PAPPA2: variants seen among roughly 807,000 people sequenced by gnomAD.
The protein encoded by PAPPA2 is pappalysin-2.
In PAPPA2, 86 loss-of-function variants were observed where a neutral mutation model predicts 176.4. That is an observed-to-expected ratio of 0.49 (90% CI 0.41 to 0.58). The LOEUF is 0.58. Ranked by LOEUF, PAPPA2 falls within the 20% of genes least tolerant of loss-of-function variation. The probability of loss-of-function intolerance (pLI) is 0.00; values close to 1 mark genes in which losing one functional copy is unlikely to be tolerated. For synonymous variants in PAPPA2, 809 were observed against 852.2 expected (o/e 0.95, Z 0.88); for missense variants, 2,073 against 2,256.9 (o/e 0.92, Z 1.65).
intron 4 of PAPPA2, among the ~76,000 whole-genome samples, chr1:176,685,195 A>G (rs1659780885): frequency 6.6e-6 from 1 of 152,078 alleles, no homozygotes; most frequent in Admixed American, 6.6e-5. Flanking sequence ...CAAGTGGTCT[A>G]ATATATATTT....
chr1:176,812,512 T>C (rs1415970130), intron 21 of PAPPA2, among the ~76,000 whole-genome samples: 1 of 152,180 alleles, frequency 6.6e-6, no homozygotes, highest in African/African-American at 2.4e-5. Flanking sequence ...ATTCTAATCA[T>C]GGCACAAATA....
chr1:176,679,530 TA>T (rs534974229), intron 4 of PAPPA2, among the ~76,000 whole-genome samples: 78 of 152,322 alleles, frequency 5.1e-4, no homozygotes, highest in African/African-American at 1.5e-3. Context: ...TAATGTTTAT[TA>T]AAGCAATTCA....
chr1:176,758,789 G>T (rs1187345694), intron 14 of PAPPA2, among the ~76,000 whole-genome samples: 1 of 152,182 alleles, frequency 6.6e-6, no homozygotes, highest in Non-Finnish European at 1.5e-5. Flanking sequence ...AAGATTATGA[G>T]AAACTCTTTC....
chr1:176,557,206 C>CG lies in PAPPA2; in HGVS notation c.886dup (p.Glu296GlyfsTer15). On this transcript the variant is annotated frameshift_variant, in exon 2 of 23. Coordinates refer to ENST00000367662, the MANE Select transcript of PAPPA2 (RefSeq NM_020318.3). LOFTEE classifies it high-confidence loss of function. ...TTCACAGTGGAAGCCTGGGTTAAAC[C>CG]GGAGGGAGGACAGAACAACCCAGCC... is the stretch of plus-strand genomic sequence containing the variant. 1 of 1,607,386 alleles carries CG rather than the reference C, an allele frequency of 6.2e-7. No homozygotes were observed.
At chr1:176,691,972 A>G (rs1039870535) in intron 5 of PAPPA2, among the ~76,000 whole-genome samples, 154 bp from the exon 6 acceptor site, 6 of 152,192 alleles carry the variant, frequency 3.9e-5, no homozygotes, top group African/African-American at 1.4e-4. Context: ...CCCTTTCTGG[A>G]ACAGATTGCA....
chr1:176,659,321 C>T (rs1039816288), intron 3 of PAPPA2, among the ~76,000 whole-genome samples: 2 of 152,002 alleles, frequency 1.3e-5, no homozygotes, highest in African/African-American at 2.4e-5. Context: ...GTCCCAGGCT[C>T]CGCTCCTAGC....
intron 3 of PAPPA2, among the ~76,000 whole-genome samples, chr1:176,630,100 C>T (rs564286941): frequency 5.9e-5 from 9 of 152,134 alleles, no homozygotes; most frequent in Admixed American, 1.3e-4. Context: ...AAATATATGC[C>T]GACTAACTAA....
rs1383840975 is a variant in PAPPA2, at chr1:176,789,963, C to T, written c.4870C>T (p.Gln1624Ter). 1 of 1,613,910 alleles carries T rather than the reference C, an allele frequency of 6.2e-7. No individual in the cohort carries two copies. Among genetic ancestry groups the T allele is most frequent in the African/African-American group, 1.3e-5 (1 of 74,914 alleles). The stretch of plus-strand genomic sequence containing the variant: ...CAGCCAGTGTGTGCTCAACTGTAAC[C>T]AGGAACGTGAAAAGGTAAGGAACAT... Reference protein sequence around the residue: ...LDSQCVLNCNQEREKLPILCT... With the variant: ...LDSQCVLNCN The change falls in exon 18 of 23, where the codon CAG (glutamine) becomes TAG (stop). Residue 1624 changes from glutamine to a stop codon, truncating the protein, a stop_gained. Transcript: ENST00000367662. LOFTEE classifies it high-confidence loss of function.
At chr1:176,509,020 A>T (rs1648460047) in intron 1 of PAPPA2, among the ~76,000 whole-genome samples, 2 of 152,158 alleles carry the variant, frequency 1.3e-5, no homozygotes, top group South Asian at 4.1e-4. Context: ...AAGCAGTCTG[A>T]CATATATATA....
chr1:176,603,690 A>T (rs1361668511), intron 3 of PAPPA2, among the ~76,000 whole-genome samples: 1 of 151,930 alleles, frequency 6.6e-6, no homozygotes, highest in Non-Finnish European at 1.5e-5. Context: ...CTCAAATACA[A>T]ATTAGCTACC....
At chr1:176,594,177 A>G (rs910227710) in intron 2 of PAPPA2, among the ~76,000 whole-genome samples, 1 of 152,230 alleles carries the variant, frequency 6.6e-6, no homozygotes, top group Admixed American at 6.5e-5. Flanking sequence ...AAAGGCATGG[A>G]CTTAAAGCCA....
At chr1:176,507,421 C>G (rs1280532537) in intron 1 of PAPPA2, among the ~76,000 whole-genome samples, 1 of 152,208 alleles carries the variant, frequency 6.6e-6, no homozygotes, top group Non-Finnish European at 1.5e-5. Context: ...TTTGACCCAA[C>G]AATCTCATTA....
At chr1:176,474,644 G>A (rs1485518524) in intron 1 of PAPPA2, among the ~76,000 whole-genome samples, 9 of 152,198 alleles carry the variant, frequency 5.9e-5, no homozygotes, top group Admixed American at 5.2e-4. Flanking sequence ...AGGACATTTA[G>A]TTCCTATCCA....
chr1:176,780,305 G>T (rs1664654782), intron 17 of PAPPA2, among the ~76,000 whole-genome samples: 1 of 138,598 alleles, frequency 7.2e-6, no homozygotes, highest in Admixed American at 7.0e-5. Context: ...AGATGCAAAA[G>T]TTCTTACAAA....
At chr1:176,668,785 C>T (rs1455054420) in intron 3 of PAPPA2, among the ~76,000 whole-genome samples, 1 of 152,168 alleles carries the variant, frequency 6.6e-6, no homozygotes, top group Non-Finnish European at 1.5e-5. Context: ...TATTCTCTCC[C>T]TTATACTTGA....
chr1:176,557,584 C>A (rs1315551228), intron 2 of PAPPA2, among the ~76,000 whole-genome samples: 1 of 152,156 alleles, frequency 6.6e-6, no homozygotes, highest in Non-Finnish European at 1.5e-5. Flanking sequence ...TGTCACACTC[C>A]ATTTCCGGTA....
At chr1:176,805,545 C>T (rs1665864664) in intron 21 of PAPPA2, among the ~76,000 whole-genome samples, 1 of 152,180 alleles carries the variant, frequency 6.6e-6, no homozygotes, top group Non-Finnish European at 1.5e-5. Context: ...CAGGCTTTCT[C>T]TTAGAACTTC....
At chr1:176,766,468 A>G (rs549814470) in intron 15 of PAPPA2, among the ~76,000 whole-genome samples, 6 of 152,362 alleles carry the variant, frequency 3.9e-5, no homozygotes, top group Middle Eastern at 3.4e-3. Flanking sequence ...TCCACTGTAT[A>G]TAAGATGTGT....
intron 17 of PAPPA2, among the ~76,000 whole-genome samples, chr1:176,777,528 T>C (rs1485033312): frequency 1.3e-5 from 2 of 152,176 alleles, no homozygotes; most frequent in African/African-American, 4.8e-5. Flanking sequence ...TGTAGTCAAA[T>C]GGCTAAGAAG....
Sources: gnomAD v4.1 joint callset for allele counts (sites outside exome capture counted in the v4.1 genomes callset) on GRCh38, gnomAD v4.1.1 for gene constraint, MANE v1.5 for transcripts, NCBI Gene and HGNC (gene_info 2026-07-23, HGNC 2026-07-21) for gene names.